The following PLEKHA3 variants were observed in gnomAD, a reference collection of about 807,000 sequenced individuals.
The protein encoded by PLEKHA3 is pleckstrin homology domain-containing family A member 3.
A neutral mutation model predicts 39.2 loss-of-function variants in PLEKHA3; 19 were observed. The ratio of observed to expected loss-of-function variants is 0.48; its 90% CI spans 0.34 to 0.71. PLEKHA3 has a LOEUF of 0.71. PLEKHA3 is among the 30% of genes least tolerant of loss of function. The probability of loss-of-function intolerance (pLI) is 0.01; values close to 1 mark genes in which losing one functional copy is unlikely to be tolerated. For synonymous variants in PLEKHA3, 97 were observed against 118.6 expected (o/e 0.82, Z 1.18); for missense variants, 253 against 359.5 (o/e 0.70, Z 2.40).
At chr2:178,481,021 G>A in intron 1 of PLEKHA3, 112 bp downstream of exon 1, 1 of 1,008,812 alleles carries the variant, frequency 9.9e-7, no homozygotes. Context: ...GAGCGAATTC[G>A]CTCTACTCGA....
intron 1 of PLEKHA3, among the ~76,000 whole-genome samples, chr2:178,485,196 G>T (rs1245139426): frequency 6.6e-6 from 1 of 152,228 alleles, no homozygotes; most frequent in African/African-American, 2.4e-5. Context: ...GAAATGAAAA[G>T]ATTTGTCCCC....
At chr2:178,486,659 C>A (rs1685254770) in intron 2 of PLEKHA3, among the ~76,000 whole-genome samples, 1 of 152,172 alleles carries the variant, frequency 6.6e-6, no homozygotes, top group African/African-American at 2.4e-5. Context: ...TTTTACTCAA[C>A]ATCATGTTTG....
chr2:178,500,961 A>G, intron 6 of PLEKHA3, 100 bp from the exon 7 acceptor site: 1 of 778,460 alleles, frequency 1.3e-6, no homozygotes, highest in Non-Finnish European at 2.2e-6. Context: ...CATAAAAATA[A>G]TTCTTTTTTC....
intron 7 of PLEKHA3, among the ~76,000 whole-genome samples, chr2:178,501,834 A>C (rs1685533183): frequency 6.6e-6 from 1 of 152,010 alleles, no homozygotes; most frequent in Non-Finnish European, 1.5e-5. Flanking sequence ...CCATTAATAG[A>C]CTTATACTCT....
rs1685435723 is a variant in PLEKHA3, at chr2:178,495,886, A to G, written c.615+226A>G. ...TCCCTTCTCCTTGGAGGGGCTGTGCATGGCCTGCCCACAGGCTGCTTCATC... is the reference window on the plus strand; with the variant it reads ...TCCCTTCTCCTTGGAGGGGCTGTGCGTGGCCTGCCCACAGGCTGCTTCATC... On this transcript the variant is annotated intron_variant, in intron 5 of 7. Coordinates refer to ENST00000234453, the MANE Select transcript of PLEKHA3 (RefSeq NM_019091.4). Among the ~76,000 whole-genome samples the G allele has an allele frequency of 2.0e-5, 3 of 152,128 alleles. No individual in the cohort carries two copies. The South Asian group carries it at 6.2e-4, about 32-fold the overall frequency.
intron 6 of PLEKHA3, among the ~76,000 whole-genome samples, chr2:178,500,747 G>C (rs1558930527): frequency 1.3e-5 from 2 of 152,014 alleles, no homozygotes; most frequent in Non-Finnish European, 2.9e-5. Flanking sequence ...TGAAACCTAT[G>C]ACTTCTAGTT....
At chr2:178,500,973 C>G (rs190131792) in intron 6 of PLEKHA3, 88 bp from the exon 7 acceptor site, 23 of 824,964 alleles carry the variant, frequency 2.8e-5, no homozygotes, top group Non-Finnish European at 4.0e-5. Context: ...TCTTTTTTCA[C>G]TTAAAGAGAA....
At chr2:178,482,237 G>C (rs1685178565) in intron 1 of PLEKHA3, among the ~76,000 whole-genome samples, 1 of 152,104 alleles carries the variant, frequency 6.6e-6, no homozygotes, top group Non-Finnish European at 1.5e-5. Context: ...TTTGGTTGAG[G>C]TATAGTGTTA....
At chr2:178,497,261 T>C (rs1051040685) in intron 5 of PLEKHA3, among the ~76,000 whole-genome samples, 6 of 151,698 alleles carry the variant, frequency 4.0e-5, no homozygotes, top group South Asian at 2.1e-4. Context: ...AATGGAGTCT[T>C]GCTCTGTCGC....
At chr2:178,500,241 T>G (rs769943412) in intron 6 of PLEKHA3, among the ~76,000 whole-genome samples, 5 of 152,242 alleles carry the variant, frequency 3.3e-5, no homozygotes, top group Admixed American at 1.3e-4. Context: ...TGTCATGTTT[T>G]AATTTTTTCC....
chr2:178,495,368 T>C, intron 4 of PLEKHA3, 128 bp from the exon 5 acceptor site: 1 of 899,664 alleles, frequency 1.1e-6, no homozygotes, highest in Non-Finnish European at 1.7e-6. Context: ...AGGTACTGTA[T>C]TTTAAATAAA....
intron 5 of PLEKHA3, among the ~76,000 whole-genome samples, 193 bp from the exon 6 acceptor site, chr2:178,499,018 G>T (rs957978366): frequency 1.3e-5 from 2 of 151,908 alleles, no homozygotes; most frequent in African/African-American, 4.8e-5. Flanking sequence ...TCCAATTAAT[G>T]GTTATTAGGG....
chr2:178,490,054 A>G lies in PLEKHA3; in HGVS notation c.158-605A>G, dbSNP rs189201308. On this transcript the variant is annotated intron_variant, in intron 2 of 7. Coordinates refer to ENST00000234453, the MANE Select transcript of PLEKHA3 (RefSeq NM_019091.4). ...TACAACAAAGACTTGGGATTGGCTCATCATAATTCCTGATTAGCTCTCTTT... is the reference window on the plus strand; with the variant it reads ...TACAACAAAGACTTGGGATTGGCTCGTCATAATTCCTGATTAGCTCTCTTT... Among the ~76,000 whole-genome samples, 922 of 152,306 alleles carry G rather than the reference A, an allele frequency of 6.1e-3. 1 individual carries two copies. The highest frequency in any genetic ancestry group is 0.011 in the Non-Finnish European group (732 of 68,030).
chr2:178,488,768 A>G (rs946110861), intron 2 of PLEKHA3, among the ~76,000 whole-genome samples: 1 of 152,238 alleles, frequency 6.6e-6, no homozygotes, highest in African/African-American at 2.4e-5. Flanking sequence ...ATCTGCTGGA[A>G]TGTTTGGAAT....
Position 178,514,309 on chromosome 2 carries a change from G to T in PLEKHA3, c.*10422G>T. On this transcript the variant is annotated 3_prime_UTR_variant, in exon 8 of 8. Transcript: ENST00000234453. ...CCTACCTACTTGATTAATGATGTCTGCATGGGCTTACTAAGAGGGTGTGGG... is the reference window on the plus strand; with the variant it reads ...CCTACCTACTTGATTAATGATGTCTTCATGGGCTTACTAAGAGGGTGTGGG... 1 of 151,736 alleles carries T rather than the reference G, an allele frequency of 6.6e-6. No individual in the cohort carries two copies. Among genetic ancestry groups the T allele is most frequent in the African/African-American group, 2.4e-5 (1 of 41,228 alleles). The allele number at this position is 151,736 out of a possible 1,614,324, so 9.4% of individuals were successfully genotyped here. A position where few individuals can be genotyped will look rare whatever the true frequency, so the allele number is the denominator to read the frequency against.
At position 178,501,088 on chromosome 2, in the gene PLEKHA3, A is replaced by G. The variant is rs1332023050; in HGVS notation, c.687A>G (p.Val229=). 1 of 1,613,310 alleles carries G rather than the reference A, an allele frequency of 6.2e-7. No homozygotes were observed. Among genetic ancestry groups the G allele is most frequent in the African/African-American group, 1.3e-5 (1 of 75,010 alleles). The change falls in exon 7 of 8, where the codon GTA becomes GTG. Residue 229 remains valine (V), a synonymous_variant. Transcript: ENST00000234453. Reference sequence around the variant, plus strand: ...GTAGCCACTCTATAAAAGAACCAGTATCTACACTTCACCGACTCTCCCAGC... The same window carrying G: ...GTAGCCACTCTATAAAAGAACCAGTGTCTACACTTCACCGACTCTCCCAGC... ...ERSSHSIKEP[V]STLHRLSQRR...
At chr2:178,501,467 T>C (rs79928100) in intron 7 of PLEKHA3, among the ~76,000 whole-genome samples, 367 of 152,026 alleles carry the variant, frequency 2.4e-3, no homozygotes, top group African/African-American at 8.5e-3. Flanking sequence ...TAAAAAACAT[T>C]TTAGAAGAAG....
intron 7 of PLEKHA3, among the ~76,000 whole-genome samples, chr2:178,501,945 T>A (rs1049742091): frequency 6.6e-6 from 1 of 151,998 alleles, no homozygotes; most frequent in Non-Finnish European, 1.5e-5. Flanking sequence ...CATTTGTAAG[T>A]CAGTTGTTTG....
chr2:178,490,802 A>G lies in PLEKHA3; in HGVS notation c.301A>G (p.Lys101Glu). The change falls in exon 3 of 8, where the codon AAA becomes GAA. Residue 101 changes from lysine to glutamate, a missense_variant. Coordinates refer to ENST00000234453, the MANE Select transcript of PLEKHA3 (RefSeq NM_019091.4). ...AGCATGTTTGACTGATACAAGGACTAAAAAAGAAAAAGGTAACTATAAACT... is the reference window on the plus strand; with the variant it reads ...AGCATGTTTGACTGATACAAGGACTGAAAAAGAAAAAGGTAACTATAAACT... Reference protein sequence around the residue: ...SKACLTDTRTKKEKEISETSE... With the variant: ...SKACLTDTRTEKEKEISETSE... 4 of 1,606,634 alleles carry G rather than the reference A, an allele frequency of 2.5e-6. No individual in the cohort carries two copies. Among genetic ancestry groups the G allele is most frequent in the South Asian group, 1.1e-5 (1 of 89,388 alleles).
Sources: allele counts gnomAD v4.1 joint callset (sites outside exome capture counted in the v4.1 genomes callset), GRCh38; gene constraint gnomAD v4.1.1; transcripts MANE v1.5; gene names NCBI Gene and HGNC (gene_info 2026-07-23, HGNC 2026-07-21).